The following ADAMTS18 variants were observed in gnomAD, a reference collection of about 807,000 sequenced individuals.
ADAMTS18 encodes A disintegrin and metalloproteinase with thrombospondin motifs 18.
Under a neutral mutation model 165.9 loss-of-function variants are expected in ADAMTS18, and 157 were observed. The observed-to-expected ratio is 0.95, with a 90% CI of 0.83 to 1.08. ADAMTS18 has a LOEUF of 1.08. Ranked by LOEUF, ADAMTS18 falls within the 50% of genes least tolerant of loss-of-function variation. ADAMTS18 has a pLI of 0.00. For missense variants in ADAMTS18, 2,040 were observed against 1,534.0 expected (o/e 1.33, Z -5.51); for synonymous variants, 782 against 578.2 (o/e 1.35, Z -5.06).
At chr16:77,333,380 G>C (rs1411993604) in intron 12 of ADAMTS18, among the ~76,000 whole-genome samples, 3 of 151,592 alleles carry the variant, frequency 2.0e-5, no homozygotes, top group African/African-American at 4.9e-5. Context: ...TTAGATGATG[G>C]GTTGATAGGT....
intron 3 of ADAMTS18, among the ~76,000 whole-genome samples, chr16:77,419,605 C>T (rs2057575001): frequency 6.6e-6 from 1 of 152,142 alleles, no homozygotes; most frequent in Admixed American, 6.5e-5. Flanking sequence ...TTAAAGTTAA[C>T]CAATCTGCAG....
chr16:77,300,016 C>T (rs544096723), intron 17 of ADAMTS18: 22 of 392,398 alleles, frequency 5.6e-5, no homozygotes, highest in South Asian at 1.9e-4. Flanking sequence ...TATGTTTTTC[C>T]CATAAGTTTT....
chr16:77,335,409 C>G (rs1289679131), intron 12 of ADAMTS18, among the ~76,000 whole-genome samples: 1 of 151,134 alleles, frequency 6.6e-6, no homozygotes, highest in Non-Finnish European at 1.5e-5. Flanking sequence ...TGAGTAAGAT[C>G]TAGTATTCAG....
chr16:77,431,264 G>C, intron 3 of ADAMTS18, 31 bp downstream of exon 3: 2 of 1,613,110 alleles, frequency 1.2e-6, no homozygotes, highest in South Asian at 1.1e-5. Flanking sequence ...ACACGAAAGA[G>C]GGAGCTCAAC....
In ADAMTS18 at chr16:77,313,481, A is replaced by C. The variant is rs952047188; in HGVS notation, c.2532+6368T>G. Among the ~76,000 whole-genome samples the C allele has an allele frequency of 2.7e-5, 3 of 111,488 alleles. No homozygotes were observed. The South Asian group carries it at 7.7e-4, about 29-fold the overall frequency. 73.1% of individuals were successfully genotyped at this position (111,488 alleles called of 152,430 possible). ...AATAAATAAATAAATAAATGACTCA[A>C]GGTTTAAAAAAAAAAAAACTTAAAT... On this transcript the variant is annotated intron_variant, in intron 16 of 22. Transcript: ENST00000282849.
chr16:77,303,642 AAT>A (rs952423982), intron 16 of ADAMTS18, among the ~76,000 whole-genome samples: 37 of 152,094 alleles, frequency 2.4e-4, no homozygotes, highest in Non-Finnish European at 2.9e-5. Flanking sequence ...TAAAAAAAAA[AAT>A]GACTTTCGGG....
chr16:77,385,379 G>T (rs1421832823), intron 3 of ADAMTS18, among the ~76,000 whole-genome samples: 2 of 152,190 alleles, frequency 1.3e-5, no homozygotes, highest in African/African-American at 4.8e-5. Context: ...TTCTGAGAAG[G>T]AATAGTTGAC....
chr16:77,300,424 A>C lies in ADAMTS18; in HGVS notation c.2533-20T>G, dbSNP rs79944566. On this transcript the variant is annotated intron_variant, in intron 16 of 22. Coordinates refer to ENST00000282849, the MANE Select transcript of ADAMTS18 (RefSeq NM_199355.4). ...CAGAATCTGGACAGTGTAAGATAAA[A>C]ATCAGAGATCAAGATACAGGTCAGA... is the stretch of plus-strand genomic sequence containing the variant. 3.5e-3 allele frequency: 5,725 copies of C among 1,613,900 alleles called. 18 individuals carry two copies. The highest frequency in any genetic ancestry group is 4.3e-3 in the Non-Finnish European group (5,048 of 1,179,808).
At chr16:77,357,779 G>A (rs976729722) in intron 8 of ADAMTS18, among the ~76,000 whole-genome samples, 2 of 152,140 alleles carry the variant, frequency 1.3e-5, no homozygotes, top group African/African-American at 4.8e-5. Flanking sequence ...CTCAGGAATT[G>A]TCTGTTTCAG....
intron 12 of ADAMTS18, among the ~76,000 whole-genome samples, chr16:77,330,761 T>G (rs765765704): frequency 3.3e-5 from 5 of 152,122 alleles, no homozygotes; most frequent in Admixed American, 6.5e-5. Flanking sequence ...CAGCCAAGAA[T>G]CATTCATTTT....
intron 17 of ADAMTS18, among the ~76,000 whole-genome samples, chr16:77,298,918 A>C (rs2055527490): frequency 6.6e-6 from 1 of 152,268 alleles, no homozygotes; most frequent in African/African-American, 2.4e-5. Context: ...AGTCATGCGA[A>C]GGGGTTGCTA....
At chr16:77,296,021 T>TAC (rs1279817754) in intron 18 of ADAMTS18, among the ~76,000 whole-genome samples, 3 of 151,610 alleles carry the variant, frequency 2.0e-5, no homozygotes, top group Non-Finnish European at 2.9e-5. Flanking sequence ...TGTGTGTGTA[T>TAC]ATATATATAC....
At chr16:77,356,189 G>C in intron 8 of ADAMTS18, 112 bp from the exon 9 acceptor site, 1 of 1,416,758 alleles carries the variant, frequency 7.1e-7, no homozygotes, top group South Asian at 1.2e-5. Flanking sequence ...GTGAGAGACA[G>C]AGTTATTAAA....
At chr16:77,349,645 C>T (rs1428463984) in intron 10 of ADAMTS18, among the ~76,000 whole-genome samples, 1 of 152,008 alleles carries the variant, frequency 6.6e-6, no homozygotes, top group East Asian at 1.9e-4. Context: ...CGCCATTTCC[C>T]CTTTAAAGTT....
chr16:77,359,651 A>G (rs2056683661), intron 7 of ADAMTS18, among the ~76,000 whole-genome samples: 1 of 152,076 alleles, frequency 6.6e-6, no homozygotes, highest in Non-Finnish European at 1.5e-5. Flanking sequence ...ATTGTTATCA[A>G]TTGATCCTTG....
At chr16:77,427,387 T>C (rs1020329500) in intron 3 of ADAMTS18, among the ~76,000 whole-genome samples, 1 of 152,202 alleles carries the variant, frequency 6.6e-6, no homozygotes, top group African/African-American at 2.4e-5. Flanking sequence ...TTTAAGACTG[T>C]GGTTCAACAG....
intron 3 of ADAMTS18, among the ~76,000 whole-genome samples, chr16:77,389,873 A>G (rs146427461): frequency 2.6e-5 from 4 of 152,336 alleles, no homozygotes; most frequent in Middle Eastern, 6.8e-3. Flanking sequence ...AGGAGTAAAA[A>G]GTGGTAGATT....
intron 10 of ADAMTS18, among the ~76,000 whole-genome samples, chr16:77,345,745 A>G (rs868482506): frequency 7.2e-5 from 11 of 152,210 alleles, no homozygotes; most frequent in African/African-American, 2.4e-4. Context: ...TACCTACCAT[A>G]TTGGATAACA....
At chr16:77,423,005 G>A (rs772134301) in intron 3 of ADAMTS18, among the ~76,000 whole-genome samples, 2 of 152,156 alleles carry the variant, frequency 1.3e-5, no homozygotes, top group African/African-American at 2.4e-5. Flanking sequence ...TCCCCCATAG[G>A]TGAAGCTTTT....
Sources: allele counts gnomAD v4.1 joint callset (sites outside exome capture counted in the v4.1 genomes callset), GRCh38; gene constraint gnomAD v4.1.1; transcripts MANE v1.5; gene names NCBI Gene and HGNC (gene_info 2026-07-23, HGNC 2026-07-21).